Variants in EIF2AK4 observed in about 807,000 individuals in gnomAD.
The protein encoded by EIF2AK4 is eukaryotic translation initiation factor 2 alpha kinase 4.
EIF2AK4 carries 139 observed loss-of-function variants against 211.1 expected under a neutral mutation model. That is an observed-to-expected ratio of 0.66 (90% CI 0.57 to 0.76). EIF2AK4 has a LOEUF of 0.76. EIF2AK4 is among the 30% of genes least tolerant of loss of function. The pLI, the probability that EIF2AK4 is intolerant of heterozygous loss-of-function variation, is 0.00. For synonymous variants in EIF2AK4, 710 were observed against 751.3 expected, an observed-to-expected ratio of 0.94 and a Z score of 0.90; for missense variants, 1,664 against 2,043.8, an observed-to-expected ratio of 0.81 and a Z score of 3.58.
At chr15:39,968,512 T>C (rs891403239) in intron 9 of EIF2AK4, among the ~76,000 whole-genome samples, 17 of 152,198 alleles carry the variant, frequency 1.1e-4, no homozygotes, top group African/African-American at 3.9e-4. Flanking sequence ...GCCTCTGTTT[T>C]CAGTCCAAGC....
chr15:40,001,667 G>A (rs185011698), intron 21 of EIF2AK4, among the ~76,000 whole-genome samples: 8 of 148,420 alleles, frequency 5.4e-5, no homozygotes, highest in Admixed American at 4.7e-4. Context: ...AGTGCATTTA[G>A]AGACTGATCC....
At chr15:40,028,124 G>A (rs1239073830) in intron 33 of EIF2AK4, among the ~76,000 whole-genome samples, 1 of 150,328 alleles carries the variant, frequency 6.7e-6, no homozygotes. Context: ...CGAGGCTGAA[G>A]TGCAGTGGTG....
intron 15 of EIF2AK4, 45 bp from the exon 16 acceptor site, chr15:39,990,228 T>C: frequency 1.3e-6 from 2 of 1,582,656 alleles, no homozygotes; most frequent in Non-Finnish European, 1.7e-6. Context: ...GGTATAACTT[T>C]ATGCATGGAA....
rs1393827154 is a variant in EIF2AK4, at chr15:39,961,120, AAAAG to A, written c.744-658_744-655del. Among the ~76,000 whole-genome samples, 4 of 152,296 alleles carry A rather than the reference AAAAG, an allele frequency of 2.6e-5. No individual in the cohort carries two copies. In the South Asian group the frequency reaches 6.2e-4, roughly 24 times the overall value. On this transcript the variant is annotated intron_variant, in intron 6 of 38. Transcript: ENST00000263791. The stretch of plus-strand genomic sequence containing the variant: ...GCTCCCACCAGAAAAAAAGTAGAAA[AAAAG>A]AAAGAGAGGAGAGGCTGGGTTTTAA...
chr15:39,938,065 C>T (rs916921476), intron 1 of EIF2AK4, among the ~76,000 whole-genome samples: 4 of 152,206 alleles, frequency 2.6e-5, no homozygotes, highest in Non-Finnish European at 4.4e-5. Context: ...CACCCCAAGT[C>T]GTTTGTTAAG....
intron 26 of EIF2AK4, among the ~76,000 whole-genome samples, chr15:40,009,964 C>T (rs1429060987): frequency 1.3e-5 from 2 of 152,106 alleles, no homozygotes; most frequent in Non-Finnish European, 1.5e-5. Flanking sequence ...TAATAACCTC[C>T]GGGGTGTTTT....
intron 11 of EIF2AK4, 37 bp downstream of exon 11, chr15:39,973,786 T>A (rs770410514): frequency 1.2e-6 from 2 of 1,606,930 alleles, no homozygotes; most frequent in South Asian, 2.2e-5. Context: ...CCTTTAGAGC[T>A]CCTTCTCTGT....
rs760450351 is a variant in EIF2AK4, at chr15:39,967,843, G to A, written c.1517G>A (p.Ser506Asn). Reference sequence around the variant, plus strand: ...GGAGAGTACCCTGTGACCATCCCTAGTGACTTACCAGCTGACTTTCAAGAT... The same window carrying A: ...GGAGAGTACCCTGTGACCATCCCTAATGACTTACCAGCTGACTTTCAAGAT... ...ECGEYPVTIPSDLPADFQDFL... is the reference protein window; with the variant it reads ...ECGEYPVTIPNDLPADFQDFL... The change falls in exon 9 of 39, where the codon AGT becomes AAT. Residue 506 changes from serine to asparagine, a missense_variant. Physicochemically the swap from Ser to Asn is conservative, Grantham distance 46. Coordinates refer to ENST00000263791, the MANE Select transcript of EIF2AK4 (RefSeq NM_001013703.4). 1.2e-6 allele frequency: 2 copies of A among 1,614,046 alleles called. No individual in the cohort carries two copies. The highest frequency in any genetic ancestry group is 1.3e-5 in the African/African-American group (1 of 75,030).
intron 35 of EIF2AK4, among the ~76,000 whole-genome samples, 198 bp from the exon 36 acceptor site, chr15:40,031,946 AAACTCCTGACCTCAGGTGATCCCCC>A (rs1186441339): frequency 9.9e-5 from 15 of 152,166 alleles, no homozygotes; most frequent in Non-Finnish European, 1.8e-4. Context: ...AGCTGGTCTC[AAACTCCTGACCTCAGGTGATCCCCC>A]AGCCTTGGCC....
chr15:39,945,487 G>A (rs976440314), intron 3 of EIF2AK4, among the ~76,000 whole-genome samples: 6 of 152,198 alleles, frequency 3.9e-5, no homozygotes, highest in Admixed American at 6.5e-5. Context: ...AAGTTAAAAG[G>A]TAGCAGAGAT....
intron 35 of EIF2AK4, among the ~76,000 whole-genome samples, chr15:40,030,716 A>G (rs1237912895): frequency 6.6e-6 from 1 of 152,122 alleles, no homozygotes; most frequent in Admixed American, 6.5e-5. Context: ...AAACTATCTA[A>G]TCTGGCTCTA....
At chr15:39,948,649 C>T (rs746400910) in intron 3 of EIF2AK4, among the ~76,000 whole-genome samples, 1 of 152,294 alleles carries the variant, frequency 6.6e-6, no homozygotes, top group South Asian at 2.1e-4. Flanking sequence ...GTACTCCCAA[C>T]AATATTTTCA....
At chr15:39,973,920 G>A (rs578053524) in intron 11 of EIF2AK4, 171 bp downstream of exon 11, 18 of 633,984 alleles carry the variant, frequency 2.8e-5, no homozygotes, top group Middle Eastern at 4.4e-4. Context: ...TTTAAGTTAC[G>A]CTGGACACAG....
intron 19 of EIF2AK4, among the ~76,000 whole-genome samples, chr15:39,998,448 G>A (rs1398762792): frequency 6.6e-6 from 1 of 152,012 alleles, no homozygotes; most frequent in African/African-American, 2.4e-5. Flanking sequence ...TACTGCCTGA[G>A]CTAAAAGGGA....
chr15:39,972,375 A>G (rs1436970147), intron 9 of EIF2AK4, among the ~76,000 whole-genome samples: 2 of 151,854 alleles, frequency 1.3e-5, no homozygotes, highest in African/African-American at 4.8e-5. Flanking sequence ...GCATAAACCA[A>G]TTTTTAAAAA....
At chr15:39,970,518 A>G (rs932546452) in intron 9 of EIF2AK4, among the ~76,000 whole-genome samples, 1 of 152,204 alleles carries the variant, frequency 6.6e-6, no homozygotes, top group Non-Finnish European at 1.5e-5. Context: ...GTCCACGCCT[A>G]TACAGAAGTT....
Position 39,943,370 on chromosome 15 carries a change from T to G in EIF2AK4, c.258-13T>G. ...GTAACTCTTTTTTTTTTTTTTTTTT[T>G]TGCCTTTTCCAGAGTTCCTGAAATA... On this transcript the variant is annotated splice_polypyrimidine_tract_variant and intron_variant, in intron 2 of 38. Coordinates refer to ENST00000263791, the MANE Select transcript of EIF2AK4 (RefSeq NM_001013703.4). 1.5e-6 allele frequency: 2 copies of G among 1,351,964 alleles called. No homozygotes were observed. The highest frequency in any genetic ancestry group is 2.0e-6 in the Non-Finnish European group (2 of 1,011,788). 83.7% of individuals were successfully genotyped at this position (1,351,964 alleles called of 1,614,324 possible). A position where few individuals can be genotyped will look rare whatever the true frequency, so the allele number is the denominator to read the frequency against.
At position 39,996,601 on chromosome 15, in the gene EIF2AK4, C is replaced by A. The variant is rs577476505; in HGVS notation, c.2767-363C>A. On this transcript the variant is annotated intron_variant, in intron 18 of 38. Coordinates refer to ENST00000263791, the MANE Select transcript of EIF2AK4 (RefSeq NM_001013703.4). ...TGGTGCACACCTGTAGTCCCAGCTA[C>A]TTGGGAGGCTGAGGTGGAAGGATTG... 5.9e-5 allele frequency among the ~76,000 whole-genome samples: 9 copies of A among 152,218 alleles called. No homozygotes were observed. The East Asian group carries it at 1.7e-3, about 29-fold the overall frequency.
At position 40,020,878 on chromosome 15, in the gene EIF2AK4, A is replaced by T. The variant is rs769596676; in HGVS notation, c.4174-21A>T. On this transcript the variant is annotated intron_variant, in intron 30 of 38. Transcript: ENST00000263791. Reference sequence around the variant, plus strand: ...CTGCAGTCTTGCTCCTCTAACTGTAACCGGTCTGTTTCTGATCCAGGTTAC... The same window carrying T: ...CTGCAGTCTTGCTCCTCTAACTGTATCCGGTCTGTTTCTGATCCAGGTTAC... The T allele has an allele frequency of 2.5e-6, 4 of 1,599,390 alleles. No individual in the cohort carries two copies. The African/African-American group carries it at 5.4e-5, about 22-fold the overall frequency.
Sources: gnomAD v4.1 joint callset for allele counts (sites outside exome capture counted in the v4.1 genomes callset) on GRCh38, gnomAD v4.1.1 for gene constraint, MANE v1.5 for transcripts, NCBI Gene and HGNC (gene_info 2026-07-23, HGNC 2026-07-21) for gene names.